Variants in PBX1 observed in about 807,000 individuals in gnomAD.
PBX1 encodes pre-B-cell leukemia transcription factor 1.
PBX1 carries 6 observed loss-of-function variants against 53.4 expected under a neutral mutation model. The ratio of observed to expected loss-of-function variants is 0.11; its 90% confidence interval spans 0.06 to 0.22. The LOEUF (loss-of-function observed/expected upper bound fraction) is 0.22. Among genes scored for constraint, PBX1 ranks in the 10% least tolerant of loss-of-function variants. The pLI is 1.00. For synonymous variants in PBX1, 204 were observed against 212.3 expected (o/e 0.96, Z 0.34); for missense variants, 251 against 551.4 (o/e 0.46, Z 5.46).
intron 2 of PBX1, among the ~76,000 whole-genome samples, chr1:164,686,856 C>G (rs933432316): frequency 2.0e-5 from 3 of 151,668 alleles, no homozygotes; most frequent in Non-Finnish European, 4.4e-5. Context: ...ACTCGGGAGG[C>G]TGGGGTAGGA....
At position 164,849,106 on chromosome 1, in the gene PBX1, C is replaced by T; in HGVS notation, c.*2430C>T. On this transcript the variant is annotated 3_prime_UTR_variant, in exon 9 of 9. Transcript: ENST00000420696. ...TACCCACGCAAGAACATGGTTGAAT[C>T]ACATTTGCTTGACTTAGGGCAAAGT... 3.0e-6 allele frequency: 4 copies of T among 1,351,190 alleles called. No individual in the cohort carries two copies. In the East Asian group the frequency reaches 8.3e-5, roughly 28 times the overall value. 83.7% of individuals were successfully genotyped at this position (1,351,190 alleles called of 1,614,324 possible).
At chr1:164,765,688 A>C (rs1442329905) in intron 2 of PBX1, among the ~76,000 whole-genome samples, 2 of 152,202 alleles carry the variant, frequency 1.3e-5, no homozygotes, top group East Asian at 3.9e-4. Context: ...TGAGGCTTTG[A>C]GAAGTGAACT....
chr1:164,571,310 T>TA lies in PBX1; in HGVS notation c.265+8006dup. Among the ~76,000 whole-genome samples the TA allele has an allele frequency of 2.6e-5, 4 of 152,238 alleles. 1 individual carries two copies. The Middle Eastern group carries it at 0.014, about 518-fold the overall frequency. ...CATTTTTATCAGCCTCCTTGCCCCC[T>TA]AAAAAAACCCAGTACTTTTTACCAA... On this transcript the variant is annotated intron_variant, in intron 2 of 8. Transcript: ENST00000420696.
At chr1:164,741,890 T>C (rs1665632168) in intron 2 of PBX1, among the ~76,000 whole-genome samples, 1 of 151,990 alleles carries the variant, frequency 6.6e-6, no homozygotes, top group Non-Finnish European at 1.5e-5. Context: ...AACCTGAAAC[T>C]AACAGCCAAT....
intron 8 of PBX1, among the ~76,000 whole-genome samples, chr1:164,842,444 C>G (rs556672126): frequency 3.8e-4 from 58 of 152,294 alleles, no homozygotes; most frequent in African/African-American, 1.4e-3. Context: ...AGTAAATAGT[C>G]ATTTTTATTC....
intron 2 of PBX1, among the ~76,000 whole-genome samples, chr1:164,669,705 T>C (rs1352663991): frequency 6.6e-6 from 1 of 152,208 alleles, no homozygotes; most frequent in East Asian, 1.9e-4. Flanking sequence ...CACTATTCTG[T>C]TCTTAGCCCT....
At chr1:164,668,745 C>T (rs1660956455) in intron 2 of PBX1, among the ~76,000 whole-genome samples, 1 of 152,240 alleles carries the variant, frequency 6.6e-6, no homozygotes. Context: ...GCCAATGTGG[C>T]AGCAGCCACA....
At chr1:164,836,069 A>G (rs1671024682) in intron 8 of PBX1, among the ~76,000 whole-genome samples, 3 of 152,174 alleles carry the variant, frequency 2.0e-5, no homozygotes, top group African/African-American at 7.2e-5. Flanking sequence ...TTATATAGCC[A>G]GGTTGAAGAG....
intron 2 of PBX1, among the ~76,000 whole-genome samples, chr1:164,687,099 C>A (rs1005383957): frequency 6.6e-6 from 1 of 152,150 alleles, no homozygotes; most frequent in Admixed American, 6.5e-5. Context: ...TCAGGGTGGA[C>A]AACAGCCATA....
intron 2 of PBX1, among the ~76,000 whole-genome samples, chr1:164,621,460 T>C (rs1472191500): frequency 1.3e-5 from 2 of 151,368 alleles, no homozygotes; most frequent in Non-Finnish European, 2.9e-5. Flanking sequence ...GCCTGGGGGG[T>C]GCTATTTAGT....
intron 2 of PBX1, among the ~76,000 whole-genome samples, chr1:164,721,982 T>C (rs933253872): frequency 6.6e-6 from 1 of 152,188 alleles, no homozygotes; most frequent in Non-Finnish European, 1.5e-5. Flanking sequence ...AAATATGACA[T>C]GATATAAAAT....
intron 3 of PBX1, 125 bp from the exon 4 acceptor site, chr1:164,799,574 A>C (rs1668965101): frequency 1.3e-6 from 1 of 767,996 alleles, no homozygotes; most frequent in African/African-American, 1.7e-5. Flanking sequence ...CGTCTACCAC[A>C]AACTATCCTA....
At chr1:164,762,725 T>A (rs1416335337) in intron 2 of PBX1, among the ~76,000 whole-genome samples, 1 of 152,228 alleles carries the variant, frequency 6.6e-6, no homozygotes, top group East Asian at 1.9e-4. Flanking sequence ...TAAAAGAACA[T>A]CTTTGTAGCA....
intron 2 of PBX1, among the ~76,000 whole-genome samples, chr1:164,599,659 G>T (rs1380436186): frequency 6.6e-6 from 1 of 152,220 alleles, no homozygotes; most frequent in African/African-American, 2.4e-5. Flanking sequence ...GCGACTGTAG[G>T]GACACTTGTC....
chr1:164,676,316 G>A (rs1448482713), intron 2 of PBX1, among the ~76,000 whole-genome samples: 1 of 152,016 alleles, frequency 6.6e-6, no homozygotes, highest in African/African-American at 2.4e-5. Flanking sequence ...TATGTAGTAG[G>A]CATAGAGTAG....
At chr1:164,670,713 A>G (rs1399316850) in intron 2 of PBX1, among the ~76,000 whole-genome samples, 2 of 152,006 alleles carry the variant, frequency 1.3e-5, no homozygotes, top group Admixed American at 6.5e-5. Context: ...AGTACTGAGA[A>G]TAGCAGAGAG....
intron 2 of PBX1, among the ~76,000 whole-genome samples, chr1:164,598,518 T>C (rs1202461400): frequency 6.6e-6 from 1 of 152,192 alleles, no homozygotes; most frequent in Non-Finnish European, 1.5e-5. Flanking sequence ...GAGACATCAG[T>C]TGAGCTGAAC....
intron 2 of PBX1, among the ~76,000 whole-genome samples, chr1:164,658,974 C>G (rs1455031250): frequency 6.6e-6 from 1 of 152,138 alleles, no homozygotes; most frequent in Non-Finnish European, 1.5e-5. Flanking sequence ...CCATGATTTC[C>G]AGTCGTTGTC....
intron 7 of PBX1, 26 bp from the exon 8 acceptor site, chr1:164,821,511 C>G: frequency 1.9e-6 from 3 of 1,584,024 alleles, no homozygotes; most frequent in East Asian, 2.2e-5. Context: ...GACTAATTTT[C>G]TCTCTGTTAT....
Sources: allele counts gnomAD v4.1 joint callset (sites outside exome capture counted in the v4.1 genomes callset), GRCh38; gene constraint gnomAD v4.1.1; transcripts MANE v1.5; gene names NCBI Gene and HGNC (gene_info 2026-07-23, HGNC 2026-07-21).